GNG2: variants seen among roughly 807,000 people sequenced by gnomAD.
The protein encoded by GNG2 is guanine nucleotide-binding protein G(I)/G(S)/G(O) subunit gamma-2.
In GNG2, 5 loss-of-function variants were observed where a neutral mutation model predicts 5.5. The observed-to-expected ratio is 0.91, with a 90% CI of 0.48 to 1.92. The LOEUF (loss-of-function observed/expected upper bound fraction) is 1.92. Among genes scored for constraint, GNG2 ranks in the 30% most tolerant of loss-of-function variants. The pLI, the probability that GNG2 is intolerant of heterozygous loss-of-function variation, is 0.01. For synonymous variants in GNG2, 28 were observed against 32.0 expected (o/e 0.88, Z 0.42); for missense variants, 55 against 88.4 (o/e 0.62, Z 1.52).
At chr14:51,910,693 G>A (rs1268046293) in intron 2 of GNG2, among the ~76,000 whole-genome samples, 1 of 152,138 alleles carries the variant, frequency 6.6e-6, no homozygotes, top group East Asian at 1.9e-4. Context: ...TTACCCTCAT[G>A]GACTTAAAAG....
At chr14:51,909,497 C>A (rs1886159304) in intron 2 of GNG2, among the ~76,000 whole-genome samples, 2 of 152,152 alleles carry the variant, frequency 1.3e-5, no homozygotes, top group African/African-American at 4.8e-5. Context: ...GTATACCTTA[C>A]TATGATTTTG....
chr14:51,898,734 GC>G (rs1425208657), intron 2 of GNG2, among the ~76,000 whole-genome samples: 1 of 152,200 alleles, frequency 6.6e-6, no homozygotes, highest in East Asian at 1.9e-4. Context: ...GAATGTCTCT[GC>G]CATCCATAGG....
At chr14:51,941,636 A>G (rs1028720520) in intron 2 of GNG2, among the ~76,000 whole-genome samples, 1 of 152,216 alleles carries the variant, frequency 6.6e-6, no homozygotes, top group Non-Finnish European at 1.5e-5. Flanking sequence ...CCACCCATTA[A>G]CAAACCATTT....
chr14:51,939,271 A>G (rs35870554), intron 2 of GNG2, among the ~76,000 whole-genome samples: 13,567 of 152,244 alleles, frequency 0.089, 1,131 homozygotes, highest in East Asian at 0.28. Flanking sequence ...GTCATTTTAA[A>G]GTTGCAACAT....
At chr14:51,831,073 G>A (rs1254470592) in intron 2 of GNG2, among the ~76,000 whole-genome samples, 1 of 152,114 alleles carries the variant, frequency 6.6e-6, no homozygotes, top group Non-Finnish European at 1.5e-5. Context: ...TTGTATACTT[G>A]CCATGTTCTC....
chr14:51,894,470 A>T (rs1885059576), intron 2 of GNG2, among the ~76,000 whole-genome samples: 1 of 152,138 alleles, frequency 6.6e-6, no homozygotes, highest in African/African-American at 2.4e-5. Flanking sequence ...GCTTTGCGCC[A>T]CTTGACTTAA....
At position 51,899,264 on chromosome 14, in the gene GNG2, C is replaced by T. The variant is rs557886952; in HGVS notation, c.-30+21607C>T. Among the ~76,000 whole-genome samples, 46 of 152,248 alleles carry T rather than the reference C, an allele frequency of 3.0e-4. No homozygotes were observed. The South Asian group carries it at 8.9e-3, about 30-fold the overall frequency. Reference sequence around the variant, plus strand: ...ATCAGCTCTTGACTGGCTTTGCCTCCACCAGGTTCCAGCCACTCTCTAACT... The same window carrying T: ...ATCAGCTCTTGACTGGCTTTGCCTCTACCAGGTTCCAGCCACTCTCTAACT... On this transcript the variant is annotated intron_variant, in intron 2 of 3. Transcript: ENST00000556766.
At chr14:51,943,497 G>C (rs973695571) in intron 2 of GNG2, among the ~76,000 whole-genome samples, 1 of 152,208 alleles carries the variant, frequency 6.6e-6, no homozygotes, top group Non-Finnish European at 1.5e-5. Context: ...ATGGGACTCT[G>C]TCAACCCTTT....
chr14:51,954,929 A>T (rs1268838303), intron 3 of GNG2, among the ~76,000 whole-genome samples: 1 of 152,182 alleles, frequency 6.6e-6, no homozygotes, highest in African/African-American at 2.4e-5. Flanking sequence ...ATCAACTGAC[A>T]TTCAAATTGA....
chr14:51,882,983 C>G (rs2140144086), intron 2 of GNG2, among the ~76,000 whole-genome samples: 1 of 142,310 alleles, frequency 7.0e-6, no homozygotes, highest in East Asian at 2.0e-4. Flanking sequence ...GCACTCCAGC[C>G]TGGGTGACAG....
chr14:51,826,935 A>T (rs1447646094), intron 1 of GNG2, among the ~76,000 whole-genome samples: 1 of 152,216 alleles, frequency 6.6e-6, no homozygotes, highest in Non-Finnish European at 1.5e-5. Flanking sequence ...GATGTCTAGC[A>T]CTTAGGAGCA....
chr14:51,956,886 TACTG>T (rs1889302696), intron 3 of GNG2, among the ~76,000 whole-genome samples: 1 of 152,186 alleles, frequency 6.6e-6, no homozygotes, highest in Admixed American at 6.5e-5. Flanking sequence ...TTTTTATCCT[TACTG>T]ACAACTGCTT....
chr14:51,871,156 C>T lies in GNG2; in HGVS notation c.-70-6461C>T, dbSNP rs181200004. 1.2e-3 allele frequency among the ~76,000 whole-genome samples: 181 copies of T among 152,016 alleles called. No homozygotes were observed. In the Middle Eastern group the frequency reaches 0.014, roughly 11 times the overall value. ...TGGGAGAATTAAATTGGTCCTTTGC[C>T]GTTTTTTTAAACCTCATGAATGACG... On this transcript the variant is annotated intron_variant, in intron 1 of 3. Transcript: ENST00000556766.
At chr14:51,880,967 G>GAAAAAAAAAAAAAAAAAAA (rs11463019) in intron 2 of GNG2, among the ~76,000 whole-genome samples, 1 of 101,978 alleles carries the variant, frequency 9.8e-6, no homozygotes, top group Non-Finnish European at 1.9e-5. Flanking sequence ...CAAAAAAAAA[G>GAAAAAAAAAAAAAAAAAAA]AAAAAAAAAA....
At chr14:51,853,600 A>G (rs73291051) in intron 2 of GNG2, among the ~76,000 whole-genome samples, 4,239 of 152,246 alleles carry the variant, frequency 0.028, 182 homozygotes, top group African/African-American at 0.094. Flanking sequence ...AATAGATCAC[A>G]CTGTCTGGTC....
chr14:51,965,664 G>A (rs1244154382), intron 3 of GNG2, among the ~76,000 whole-genome samples: 1 of 152,154 alleles, frequency 6.6e-6, no homozygotes, highest in Non-Finnish European at 1.5e-5. Context: ...ATAAAAATAT[G>A]TTCTATATAG....
rs147019018 is a variant in GNG2 at position 51,863,588 on chromosome 14, C to T, written c.-71+2798C>T. On this transcript the variant is annotated intron_variant, in intron 1 of 3. Coordinates refer to ENST00000556766, the MANE Select transcript of GNG2 (RefSeq NM_053064.5). ...TTTTAAGTATGCAGTTCTGTGGTAG[C>T]GAGTACATTGATGTGCTGTCATCAC... Among the ~76,000 whole-genome samples the T allele has an allele frequency of 1.3e-4, 20 of 152,148 alleles. No individual in the cohort carries two copies. In the East Asian group the frequency reaches 2.5e-3, roughly 19 times the overall value.
At chr14:51,857,841 G>A (rs1882232596), upstream of GNG2, among the ~76,000 whole-genome samples, 1 of 152,088 alleles carries the variant, frequency 6.6e-6, no homozygotes, top group Admixed American at 6.5e-5. Flanking sequence ...ATAGAAAGAG[G>A]AACAGGCTTT....
Position 51,928,072 on chromosome 14 carries a change from C to G in GNG2, c.-29-22578C>G, listed in dbSNP as rs565459711. Among the ~76,000 whole-genome samples, 8 of 140,548 alleles carry G rather than the reference C, an allele frequency of 5.7e-5. No individual in the cohort carries two copies. In the East Asian group the frequency reaches 1.3e-3, roughly 22 times the overall value. 92.2% of individuals were successfully genotyped at this position (140,548 alleles called of 152,430 possible). A position where few individuals can be genotyped will look rare whatever the true frequency, so the allele number is the denominator to read the frequency against. On this transcript the variant is annotated intron_variant, in intron 2 of 3. Coordinates refer to ENST00000556766, the MANE Select transcript of GNG2 (RefSeq NM_053064.5). ...TGGAGACTGAGTCTCGCTCCGTCATCCAGGCTCGACTGCAGTGGCAAGATC... is the reference window on the plus strand; with the variant it reads ...TGGAGACTGAGTCTCGCTCCGTCATGCAGGCTCGACTGCAGTGGCAAGATC...
Sources: allele counts gnomAD v4.1 joint callset (sites outside exome capture counted in the v4.1 genomes callset), GRCh38; gene constraint gnomAD v4.1.1; transcripts MANE v1.5; gene names NCBI Gene and HGNC (gene_info 2026-07-23, HGNC 2026-07-21).